Variants in PKD2L2 observed in about 807,000 individuals in gnomAD.
The protein encoded by PKD2L2 is polycystin 2 like 2, transient receptor potential cation channel.
A neutral mutation model predicts 83.9 loss-of-function variants in PKD2L2; 67 were observed. That is an observed-to-expected ratio of 0.80 (90% CI 0.66 to 0.98). PKD2L2 has a LOEUF of 0.98. Ranked by LOEUF, PKD2L2 falls within the 50% of genes least tolerant of loss-of-function variation. The pLI is 0.00. For synonymous variants in PKD2L2, 223 were observed against 237.8 expected, an observed-to-expected ratio of 0.94 and a Z score of 0.57; for missense variants, 632 against 717.2, an observed-to-expected ratio of 0.88 and a Z score of 1.36.
At chr5:137,926,760 G>T (rs1261161618) in intron 12 of PKD2L2, among the ~76,000 whole-genome samples, 1 of 152,176 alleles carries the variant, frequency 6.6e-6, no homozygotes, top group Non-Finnish European at 1.5e-5. Flanking sequence ...ACATGGGTTT[G>T]AACTGCACAG....
chr5:137,906,513 C>T (rs1757379850), intron 6 of PKD2L2, 79 bp downstream of exon 6: 2 of 684,618 alleles, frequency 2.9e-6, no homozygotes, highest in East Asian at 5.4e-5. Context: ...AAGACAGAAT[C>T]TTCTATTCAT....
intron 3 of PKD2L2, 64 bp downstream of exon 3, chr5:137,892,677 A>G: frequency 8.1e-7 from 1 of 1,234,840 alleles, no homozygotes; most frequent in South Asian, 1.4e-5. Flanking sequence ...TGGCATACAC[A>G]GTGGGCACTC....
intron 10 of PKD2L2, 45 bp downstream of exon 10, chr5:137,923,566 ATATAGTT>A: frequency 1.1e-6 from 1 of 879,352 alleles, no homozygotes; most frequent in South Asian, 1.3e-5. Context: ...GACAAACCTC[ATATAGTT>A]TATCCTCTTG....
Position 137,921,764 on chromosome 5 carries a change from T to C in PKD2L2, c.1449+8T>C. ...GTGTTCTTTGTCCTGCTGGTAAGAATAATACATATTCCTTTCATTTCTTAC... is the reference window on the plus strand; with the variant it reads ...GTGTTCTTTGTCCTGCTGGTAAGAACAATACATATTCCTTTCATTTCTTAC... On this transcript the variant is annotated splice_region_variant and intron_variant, in intron 9 of 14. Transcript: ENST00000508883. 5.7e-6 allele frequency: 9 copies of C among 1,576,948 alleles called. No homozygotes were observed. The highest frequency in any genetic ancestry group is 7.8e-6 in the Non-Finnish European group (9 of 1,154,494).
intron 8 of PKD2L2, among the ~76,000 whole-genome samples, chr5:137,913,984 C>A (rs1361648783): frequency 2.1e-5 from 3 of 143,690 alleles, no homozygotes; most frequent in Non-Finnish European, 4.5e-5. Context: ...CCTACCACCT[C>A]ATTTTCTCAA....
chr5:137,938,094 T>C (rs529174384), intron 14 of PKD2L2: 2 of 152,400 alleles, frequency 1.3e-5, no homozygotes, highest in East Asian at 3.9e-4. Context: ...TGTACCAAAG[T>C]AAAACTATCA....
chr5:137,909,786 C>T (rs1413447172), intron 8 of PKD2L2, among the ~76,000 whole-genome samples: 1 of 151,926 alleles, frequency 6.6e-6, no homozygotes, highest in Non-Finnish European at 1.5e-5. Context: ...CCTCCTGCCT[C>T]GGCCTTTCAA....
rs370879668 is a variant in PKD2L2, at chr5:137,898,210, G to A, written c.525-1306G>A. Reference sequence around the variant, plus strand: ...TCAAACTCCTGGCCTCAAGTAATCCGCCCACCTCAGTCTCCCAAAGTGCTG... The same window carrying A: ...TCAAACTCCTGGCCTCAAGTAATCCACCCACCTCAGTCTCCCAAAGTGCTG... On this transcript the variant is annotated intron_variant, in intron 4 of 14. Coordinates refer to ENST00000508883, the MANE Select transcript of PKD2L2 (RefSeq NM_001300921.2). Among the ~76,000 whole-genome samples the A allele has an allele frequency of 2.4e-3, 367 of 151,958 alleles. 1 individual carries two copies. The highest frequency in any genetic ancestry group is 0.017 in the South Asian group (84 of 4,812).
At chr5:137,894,822 T>C (rs1341435798) in intron 4 of PKD2L2, among the ~76,000 whole-genome samples, 2 of 152,176 alleles carry the variant, frequency 1.3e-5, no homozygotes, top group African/African-American at 4.8e-5. Context: ...AGTGTTTTCT[T>C]TTTTCTGACT....
chr5:137,934,578 G>A (rs910072153), intron 12 of PKD2L2, among the ~76,000 whole-genome samples: 7 of 152,170 alleles, frequency 4.6e-5, no homozygotes, highest in Middle Eastern at 3.2e-3. Context: ...GAAGGCCGAC[G>A]CAGGCGGATT....
In PKD2L2 at chr5:137,889,522, G is replaced by A. The variant is rs1387297407; in HGVS notation, c.31G>A (p.Gly11Arg). ...TGAGGCGTCACGGTGGCACCGAGGC[G>A]GTGAGGGGTCCTCTTAAGGAGTGGG... MAEASRWHRG[G>R]ASKHKLHYRK... The change falls in exon 1 of 15, where the codon GGG becomes AGG. Residue 11 changes from glycine (G) to arginine (R), a missense_variant and splice_region_variant. Gly to Arg is a moderately radical substitution (Grantham distance 125). Transcript: ENST00000508883. The A allele has an allele frequency of 6.4e-6, 10 of 1,553,324 alleles. No individual in the cohort carries two copies. The highest frequency in any genetic ancestry group is 8.6e-6 in the Non-Finnish European group (10 of 1,158,098).
At chr5:137,940,045 C>T in intron 14 of PKD2L2, 1 of 1,613,656 alleles carries the variant, frequency 6.2e-7, no homozygotes, top group Non-Finnish European at 8.5e-7. Context: ...CACTTACGCT[C>T]CCTTGAGAGG....
Position 137,907,811 on chromosome 5 carries a change from T to C in PKD2L2, c.1045T>C (p.Leu349=), listed in dbSNP as rs1757485975. 2 of 1,587,532 alleles carry C rather than the reference T, an allele frequency of 1.3e-6. No homozygotes were observed. Among genetic ancestry groups the C allele is most frequent in the South Asian group, 1.1e-5 (1 of 88,196 alleles). The part of the protein sequence containing the change: ...VQIFLLLGQL[L]KSTEKYSDFY... Reference sequence around the variant, plus strand: ...AATTTTTCTCTTACTTGGACAGCTGTTGAAAAGTACTGAAAAATATTCAGA... The same window carrying C: ...AATTTTTCTCTTACTTGGACAGCTGCTGAAAAGTACTGAAAAATATTCAGA... Residue 349 remains leucine (L), a synonymous_variant, in exon 7 of 15, where the codon TTG becomes CTG. Transcript: ENST00000508883.
At chr5:137,915,095 G>A (rs997350653) in intron 8 of PKD2L2, among the ~76,000 whole-genome samples, 9 of 152,046 alleles carry the variant, frequency 5.9e-5, no homozygotes, top group Non-Finnish European at 1.0e-4. Flanking sequence ...TTCCTGTACT[G>A]TCTTTGTCTG....
At chr5:137,941,974 A>T in intron 14 of PKD2L2, 1 of 1,614,094 alleles carries the variant, frequency 6.2e-7, no homozygotes, top group East Asian at 2.2e-5. Context: ...TGCTTCTTCA[A>T]ATTCCCGCAA....
In PKD2L2 at chr5:137,904,434, A is replaced by G. The variant is rs1179901309; in HGVS notation, c.747-1772A>G. On this transcript the variant is annotated intron_variant, in intron 5 of 14. Coordinates refer to ENST00000508883, the MANE Select transcript of PKD2L2 (RefSeq NM_001300921.2). ...TGTCTACTATACACCATCTAATACT[A>G]TGCCATAAAAAGAATGCGATCATAT... Among the ~76,000 whole-genome samples, 5 of 152,324 alleles carry G rather than the reference A, an allele frequency of 3.3e-5. No individual in the cohort carries two copies. In the East Asian group the frequency reaches 9.6e-4, roughly 29 times the overall value.
chr5:137,917,111 G>C (rs898734599), intron 8 of PKD2L2, among the ~76,000 whole-genome samples: 10 of 149,622 alleles, frequency 6.7e-5, no homozygotes, highest in African/African-American at 2.5e-4. Context: ...TAATGTGTAT[G>C]TTGGTCTACT....
Position 137,899,582 on chromosome 5 carries a change from T to TG in PKD2L2, c.596dup (p.Tyr200IlefsTer11). ...GGGGATTTCTTGGTGTTTACCGAAA[T>TG]GGGGGATACATTTTCACTTTATCAA... On this transcript the variant is annotated frameshift_variant, in exon 5 of 15. Coordinates refer to ENST00000508883, the MANE Select transcript of PKD2L2 (RefSeq NM_001300921.2). LOFTEE classifies it high-confidence loss of function. The TG allele has an allele frequency of 1.9e-6, 3 of 1,613,962 alleles. No homozygotes were observed. The highest frequency in any genetic ancestry group is 2.5e-6 in the Non-Finnish European group (3 of 1,179,824).
At position 137,899,592 on chromosome 5, in the gene PKD2L2, A is replaced by G. The variant is rs765333844; in HGVS notation, c.601A>G (p.Ile201Val). Residue 201 changes from isoleucine (I) to valine (V), a missense_variant, in exon 5 of 15, where the codon ATT becomes GTT. Physicochemically the swap from Ile to Val is conservative, Grantham distance 29. Coordinates refer to ENST00000508883, the MANE Select transcript of PKD2L2 (RefSeq NM_001300921.2). ...TGGTGTTTACCGAAATGGGGGATAC[A>G]TTTTCACTTTATCAAAATCGAAATC... The part of the protein sequence containing the change: ...FLGVYRNGGY[I>V]FTLSKSKSET... 17 of 1,613,810 alleles carry G rather than the reference A, an allele frequency of 1.1e-5. No homozygotes were observed. The highest frequency in any genetic ancestry group is 5.0e-5 in the Admixed American group (3 of 59,998).
Sources: allele counts gnomAD v4.1 joint callset (sites outside exome capture counted in the v4.1 genomes callset), GRCh38; gene constraint gnomAD v4.1.1; transcripts MANE v1.5; gene names NCBI Gene and HGNC (gene_info 2026-07-23, HGNC 2026-07-21).